UVRAG: variants seen among roughly 807,000 people sequenced by gnomAD.
UVRAG encodes the protein UV radiation resistance associated, also known as UV radiation resistance-associated gene protein.
A neutral mutation model predicts 78.0 loss-of-function variants in UVRAG; 19 were observed. The observed-to-expected ratio is 0.24, with a 90% CI of 0.17 to 0.36. UVRAG has a LOEUF of 0.36. Ranked by LOEUF, UVRAG falls within the 10% of genes least tolerant of loss-of-function variation. The pLI, the probability that UVRAG is intolerant of heterozygous loss-of-function variation, is 1.00. For missense variants in UVRAG, 740 were observed against 853.8 expected (o/e 0.87, Z 1.66); for synonymous variants, 323 against 324.6 (o/e 1.00, Z 0.05).
intron 1 of UVRAG, among the ~76,000 whole-genome samples, chr11:75,828,746 T>TATATAC (rs1463826433): frequency 3.3e-5 from 3 of 90,580 alleles, no homozygotes; most frequent in African/African-American, 2.5e-4. Flanking sequence ...TATATATATA[T>TATATAC]ACACACACAT....
intron 3 of UVRAG, among the ~76,000 whole-genome samples, chr11:75,863,279 T>C (rs75731729): frequency 0.066 from 10,097 of 152,302 alleles, 469 homozygotes; most frequent in African/African-American, 0.13. Context: ...TGTATAATAG[T>C]TACTGAGTAA....
At position 75,894,879 on chromosome 11, in the gene UVRAG, A is replaced by G. The variant is rs116146318; in HGVS notation, c.507+5976A>G. 3.2e-3 allele frequency among the ~76,000 whole-genome samples: 493 copies of G among 151,998 alleles called. 1 individual carries two copies. The highest frequency in any genetic ancestry group is 0.011 in the African/African-American group (469 of 41,538). On this transcript the variant is annotated intron_variant, in intron 5 of 14. Coordinates refer to ENST00000356136, the MANE Select transcript of UVRAG (RefSeq NM_003369.4). ...AGCAGAGGAAAAAAGGGAATAAAGT[A>G]TAGAAAGCTTTGTCAACTTGGTAGG...
At chr11:75,953,548 T>A (rs998890754) in intron 6 of UVRAG, among the ~76,000 whole-genome samples, 3 of 152,334 alleles carry the variant, frequency 2.0e-5, no homozygotes, top group Admixed American at 1.3e-4. Context: ...AATTTGTCAT[T>A]CTTTGTCTTA....
intron 12 of UVRAG, among the ~76,000 whole-genome samples, chr11:76,031,151 CATTATT>C (rs1950431546): frequency 6.6e-6 from 1 of 152,168 alleles, no homozygotes; most frequent in African/African-American, 2.4e-5. Flanking sequence ...CCAGGACAAT[CATTATT>C]TCATAGAGTC....
chr11:76,091,249 A>G (rs1225576390), intron 13 of UVRAG, among the ~76,000 whole-genome samples: 3 of 152,042 alleles, frequency 2.0e-5, no homozygotes, highest in East Asian at 1.9e-4. Context: ...CCCTTTTTGT[A>G]TGTGAAATAT....
chr11:76,021,238 G>A (rs1231574675), intron 12 of UVRAG, among the ~76,000 whole-genome samples: 2 of 151,912 alleles, frequency 1.3e-5, no homozygotes, highest in African/African-American at 4.8e-5. Flanking sequence ...GTGTGTAGAT[G>A]GTTGTTAAAT....
intron 7 of UVRAG, among the ~76,000 whole-genome samples, chr11:75,974,276 G>A (rs1359081969): frequency 6.7e-6 from 1 of 150,098 alleles, no homozygotes; most frequent in Non-Finnish European, 1.5e-5. Context: ...TCTCATTGTG[G>A]TTTTGATTTG....
At position 75,960,204 on chromosome 11, in the gene UVRAG, T is replaced by G. The variant is rs1203845892; in HGVS notation, c.594-1240T>G. ...GGGTTGCCACAAACCTTCAATTTGT[T>G]TTTTTTTTTTTGTTTCTTTTTTTTA... On this transcript the variant is annotated intron_variant, in intron 6 of 14. Transcript: ENST00000356136. 2.6e-5 allele frequency among the ~76,000 whole-genome samples: 3 copies of G among 115,914 alleles called. No individual in the cohort carries two copies. In the East Asian group the frequency reaches 6.1e-4, roughly 23 times the overall value. The allele number at this position is 115,914 out of a possible 152,430, so 76.0% of individuals were successfully genotyped here. A position where few individuals can be genotyped will look rare whatever the true frequency, so the allele number is the denominator to read the frequency against.
In UVRAG at chr11:75,888,457, A is replaced by G. The variant is rs535262184; in HGVS notation, c.433-372A>G. On this transcript the variant is annotated intron_variant, in intron 4 of 14. Transcript: ENST00000356136. ...CTGTGCCAGGCCTAGGCTTCATGTT[A>G]AAAAAAAATACTTTTAGAATTAATA... Among the ~76,000 whole-genome samples the G allele has an allele frequency of 2.0e-5, 3 of 151,196 alleles. No individual in the cohort carries two copies. The East Asian group carries it at 5.8e-4, about 29-fold the overall frequency.
At position 75,905,901 on chromosome 11, in the gene UVRAG, G is replaced by A. The variant is rs550552620; in HGVS notation, c.508-6053G>A. Among the ~76,000 whole-genome samples, 268 of 150,288 alleles carry A rather than the reference G, an allele frequency of 1.8e-3. 2 individuals are homozygous for A. The highest frequency in any genetic ancestry group is 6.3e-3 in the African/African-American group (259 of 40,900). On this transcript the variant is annotated intron_variant, in intron 5 of 14. Coordinates refer to ENST00000356136, the MANE Select transcript of UVRAG (RefSeq NM_003369.4). ...ACTGCTAAACTTTTTTTTTTTTACC[G>A]TGGCTGACCAATACATTCCTAATAG...
intron 6 of UVRAG, among the ~76,000 whole-genome samples, chr11:75,932,117 G>C (rs562569643): frequency 3.5e-4 from 53 of 152,006 alleles, no homozygotes; most frequent in African/African-American, 1.2e-3. Context: ...TTAGTATGGT[G>C]CTTGAAAATT....
At chr11:76,107,540 A>T (rs1459539498) in intron 13 of UVRAG, among the ~76,000 whole-genome samples, 1 of 152,250 alleles carries the variant, frequency 6.6e-6, no homozygotes, top group Non-Finnish European at 1.5e-5. Context: ...CAGTGTTTAC[A>T]TTATAACATA....
At chr11:75,863,772 T>C (rs1412918031) in intron 3 of UVRAG, among the ~76,000 whole-genome samples, 2 of 152,192 alleles carry the variant, frequency 1.3e-5, no homozygotes, top group Non-Finnish European at 2.9e-5. Context: ...ACTAAAACAC[T>C]TGTAGGTCCC....
At chr11:76,004,662 G>T (rs777715705) in intron 9 of UVRAG, among the ~76,000 whole-genome samples, 2 of 151,518 alleles carry the variant, frequency 1.3e-5, no homozygotes, top group African/African-American at 4.9e-5. Context: ...GTCTCACTCT[G>T]TCACCCAGGC....
chr11:76,087,808 A>G (rs1171283092), intron 13 of UVRAG, among the ~76,000 whole-genome samples: 2 of 152,226 alleles, frequency 1.3e-5, no homozygotes, highest in African/African-American at 4.8e-5. Flanking sequence ...CCTGATTGTC[A>G]GGACTATCCT....
chr11:76,013,498 A>G (rs1950092473), intron 11 of UVRAG, among the ~76,000 whole-genome samples: 1 of 152,172 alleles, frequency 6.6e-6, no homozygotes, highest in East Asian at 1.9e-4. Flanking sequence ...AAGGTACACA[A>G]ACTTCTGCTC....
chr11:75,912,545 T>G (rs956170655), intron 6 of UVRAG, among the ~76,000 whole-genome samples: 2 of 152,242 alleles, frequency 1.3e-5, no homozygotes, highest in Admixed American at 6.5e-5. Flanking sequence ...GGCTTAATTT[T>G]GAAAGATTTT....
rs1952758688 is a variant in UVRAG, at chr11:76,143,496, G to A, written c.*2083G>A. ...TTGTGGCTTTTCACCGCACGGCGGG[G>A]AGCCCTGCTCTTGAATGTCATCGGG... On this transcript the variant is annotated 3_prime_UTR_variant, in exon 15 of 15. Transcript: ENST00000356136. Among the ~76,000 whole-genome samples the A allele has an allele frequency of 6.6e-6, 1 of 152,240 alleles. No homozygotes were observed. Among genetic ancestry groups the A allele is most frequent in the Non-Finnish European group, 1.5e-5 (1 of 68,042 alleles).
In UVRAG at chr11:76,132,191, T is replaced by G. The variant is rs539935453; in HGVS notation, c.1398-8520T>G. On this transcript the variant is annotated intron_variant, in intron 14 of 14. Transcript: ENST00000356136. ...ACTAGTACCTAGAGCTTCAAACATT[T>G]CTGGTGGCCGTAAACCAACTTAAAC... 1.4e-3 allele frequency among the ~76,000 whole-genome samples: 216 copies of G among 152,356 alleles called. 1 individual carries two copies. The highest frequency in any genetic ancestry group is 5.7e-4 in the Non-Finnish European group (39 of 68,028).
Sources: gnomAD v4.1 joint callset for allele counts (sites outside exome capture counted in the v4.1 genomes callset) on GRCh38, gnomAD v4.1.1 for gene constraint, MANE v1.5 for transcripts, NCBI Gene and HGNC (gene_info 2026-07-23, HGNC 2026-07-21) for gene names.